The following TSHR variants were observed in gnomAD, a reference collection of about 807,000 sequenced individuals.
The protein encoded by TSHR is thyroid stimulating hormone receptor.
TSHR carries 51 observed loss-of-function variants against 64.1 expected under a neutral mutation model. The ratio of observed to expected loss-of-function variants is 0.80; its 90% CI spans 0.64 to 1.01. The LOEUF is 1.01. Ranked by LOEUF, TSHR falls within the 50% of genes least tolerant of loss-of-function variation. TSHR has a pLI of 0.00. For missense variants in TSHR, 877 were observed against 942.8 expected (o/e 0.93, Z 0.91); for synonymous variants, 361 against 361.9 (o/e 1.00, Z 0.03).
intron 1 of TSHR, among the ~76,000 whole-genome samples, chr14:80,962,178 A>T (rs1414797809): frequency 6.6e-6 from 1 of 152,238 alleles, no homozygotes; most frequent in Non-Finnish European, 1.5e-5. Flanking sequence ...ATGAGTTAAT[A>T]CTGTCAACAG....
chr14:81,025,723 G>T (rs956025700), intron 1 of TSHR, among the ~76,000 whole-genome samples: 1 of 152,090 alleles, frequency 6.6e-6, no homozygotes, highest in African/African-American at 2.4e-5. Flanking sequence ...TTAGTTTCAG[G>T]ATACTAAAGA....
intron 8 of TSHR, among the ~76,000 whole-genome samples, chr14:81,127,145 G>A (rs11845532): frequency 0.027 from 4,088 of 152,234 alleles, 200 homozygotes; most frequent in African/African-American, 0.093. Flanking sequence ...AACACAAAAA[G>A]CAGTTTTTAG....
In TSHR at chr14:81,143,400, G is replaced by A. The variant is rs201889708; in HGVS notation, c.1342G>A (p.Val448Ile). The change falls in exon 10 of 10, where the codon GTC (valine) becomes ATC (isoleucine). Residue 448 changes from valine (V) to isoleucine (I), a missense_variant. Coordinates refer to ENST00000298171, the MANE Select transcript of TSHR (RefSeq NM_000369.5). ...ILLTSHYKLN[V>I]PRFLMCNLAF... The stretch of plus-strand genomic sequence containing the variant: ...CCTCACCAGCCACTACAAACTGAAC[G>A]TCCCCCGCTTTCTCATGTGCAACCT... 28 of 1,614,088 alleles carry A rather than the reference G, an allele frequency of 1.7e-5. 1 individual carries two copies. Among genetic ancestry groups the A allele is most frequent in the African/African-American group, 1.1e-4 (8 of 75,006 alleles).
At chr14:80,999,877 T>C (rs947024785) in intron 1 of TSHR, among the ~76,000 whole-genome samples, 1 of 152,120 alleles carries the variant, frequency 6.6e-6, no homozygotes, top group African/African-American at 2.4e-5. Flanking sequence ...GTTTGGAATG[T>C]ATTTCACATG....
Position 81,143,168 on chromosome 14 carries a change from CA to C in TSHR, c.1115del (p.Asn372ThrfsTer40). ...DEIIGFGQEL[K>X]NPQEETLQAF... The stretch of plus-strand genomic sequence containing the variant: ...AGATCATTGGTTTTGGCCAGGAGCT[CA>C]AAAACCCCCAGGAAGAGACTCTACA... On this transcript the variant is annotated frameshift_variant, in exon 10 of 10. Transcript: ENST00000298171. LOFTEE classifies it high-confidence loss of function. The C allele has an allele frequency of 1.2e-6, 2 of 1,614,076 alleles. No homozygotes were observed. Among genetic ancestry groups the C allele is most frequent in the South Asian group, 1.1e-5 (1 of 91,080 alleles).
At chr14:81,024,413 T>A (rs916869955) in intron 1 of TSHR, among the ~76,000 whole-genome samples, 1 of 152,074 alleles carries the variant, frequency 6.6e-6, no homozygotes, top group African/African-American at 2.4e-5. Context: ...CATGCCTGGC[T>A]AATTTTTTGT....
Position 81,143,747 on chromosome 14 carries a change from T to A in TSHR, c.1689T>A (p.Tyr563Ter). Residue 563 changes from tyrosine (Y) to a stop codon, truncating the protein, a stop_gained, in exon 10 of 10, where the codon TAT becomes TAA. Transcript: ENST00000298171. LOFTEE classifies it high-confidence loss of function. ...TTCCTTTGGTGGGAATAAGTAGCTA[T>A]GCCAAAGTCAGTATCTGCCTGCCCA... ...ALLPLVGISSYAKVSICLPMD... is the reference protein window; with the variant it reads ...ALLPLVGISS 5 of 1,614,216 alleles carry A rather than the reference T, an allele frequency of 3.1e-6. No individual in the cohort carries two copies. The highest frequency in any genetic ancestry group is 4.2e-6 in the Non-Finnish European group (5 of 1,180,030).
At chr14:81,051,656 C>T (rs1885439700) in intron 1 of TSHR, 3 of 152,152 alleles carry the variant, frequency 2.0e-5, no homozygotes, top group African/African-American at 7.2e-5. Flanking sequence ...TTCCACAACA[C>T]AGTGTGTGAT....
intron 1 of TSHR, among the ~76,000 whole-genome samples, chr14:81,014,954 A>G (rs1334094058): frequency 2.0e-5 from 3 of 152,112 alleles, no homozygotes; most frequent in African/African-American, 7.2e-5. Flanking sequence ...CCTTCACCTG[A>G]TTCTTATTTT....
intron 8 of TSHR, among the ~76,000 whole-genome samples, chr14:81,135,406 G>GA (rs1163732275): frequency 6.6e-6 from 1 of 152,148 alleles, no homozygotes; most frequent in Non-Finnish European, 1.5e-5. Flanking sequence ...ATGTCCTTTA[G>GA]AAAAAACATT....
Position 81,000,368 on chromosome 14 carries a change from C to T in TSHR, c.170+44518C>T, listed in dbSNP as rs73347947. ...ATGTTTAACAATGTTTTTCTGGATT[C>T]GGATGACCAGGATCACTGCTGGGAA... On this transcript the variant is annotated intron_variant, in intron 1 of 9. Transcript: ENST00000298171. 7.1e-3 allele frequency among the ~76,000 whole-genome samples: 1,080 copies of T among 152,188 alleles called. 10 individuals are homozygous for T. The highest frequency in any genetic ancestry group is 0.024 in the African/African-American group (997 of 41,508).
At chr14:80,962,873 C>T (rs546893015) in intron 1 of TSHR, among the ~76,000 whole-genome samples, 104 of 152,306 alleles carry the variant, frequency 6.8e-4, no homozygotes, top group Non-Finnish European at 1.2e-3. Flanking sequence ...AAATAATTCC[C>T]ATAGAATCAG....
intron 8 of TSHR, among the ~76,000 whole-genome samples, chr14:81,126,217 A>G (rs887823345): frequency 7.9e-5 from 12 of 152,236 alleles, no homozygotes; most frequent in African/African-American, 2.4e-4. Flanking sequence ...AGCAGTCCCC[A>G]ACTAGTGGGT....
intron 1 of TSHR, among the ~76,000 whole-genome samples, chr14:81,049,113 C>T (rs1207505828): frequency 6.6e-6 from 1 of 152,152 alleles, no homozygotes; most frequent in African/African-American, 2.4e-5. Context: ...GTACTGTACT[C>T]ACGTAGGTCT....
intron 7 of TSHR, chr14:81,104,063 T>C (rs1294718335): frequency 2.0e-6 from 2 of 985,298 alleles, no homozygotes; most frequent in Non-Finnish European, 2.4e-6. Flanking sequence ...AAGAAGGCTA[T>C]TATTTATCAT....
intron 8 of TSHR, among the ~76,000 whole-genome samples, chr14:81,132,658 G>A (rs545501561): frequency 4.6e-5 from 7 of 152,248 alleles, no homozygotes; most frequent in African/African-American, 1.4e-4. Context: ...TCTGATTTGC[G>A]AGTAAATACT....
chr14:80,996,305 C>G (rs4903961), intron 1 of TSHR, among the ~76,000 whole-genome samples: 59,187 of 151,854 alleles, frequency 0.39, 12,000 homozygotes, highest in East Asian at 0.62. Flanking sequence ...TTTGCTTCTA[C>G]ATCCTCCCTC....
At chr14:81,078,766 C>T (rs984060926) in intron 3 of TSHR, 1 of 152,228 alleles carries the variant, frequency 6.6e-6, no homozygotes, top group African/African-American at 2.4e-5. Flanking sequence ...CCTAGCTGAG[C>T]CTAACCTTCT....
chr14:80,956,374 A>G (rs1005672236), intron 1 of TSHR, among the ~76,000 whole-genome samples: 40 of 152,262 alleles, frequency 2.6e-4, no homozygotes, highest in African/African-American at 8.2e-4. Flanking sequence ...AGTATCTGTA[A>G]GTTACTTACT....
Sources: allele counts gnomAD v4.1 joint callset (sites outside exome capture counted in the v4.1 genomes callset), GRCh38; gene constraint gnomAD v4.1.1; transcripts MANE v1.5; gene names NCBI Gene and HGNC (gene_info 2026-07-23, HGNC 2026-07-21).